TNFSF8: variants seen among roughly 807,000 people sequenced by gnomAD.
TNFSF8 encodes the protein TNF superfamily member 8.
TNFSF8 carries 4 observed loss-of-function variants against 22.0 expected under a neutral mutation model. The ratio of observed to expected loss-of-function variants is 0.18; its 90% CI spans 0.09 to 0.42. The LOEUF (loss-of-function observed/expected upper bound fraction) is 0.42. Ranked by LOEUF, TNFSF8 falls within the 10% of genes least tolerant of loss-of-function variation. TNFSF8 has a pLI of 1.00. For synonymous variants in TNFSF8, 106 were observed against 112.5 expected, an observed-to-expected ratio of 0.94 and a Z score of 0.37; for missense variants, 233 against 281.8, an observed-to-expected ratio of 0.83 and a Z score of 1.24.
chr9:114,900,021 T>C (rs1827698808), downstream of TNFSF8, among the ~76,000 whole-genome samples: 1 of 152,202 alleles, frequency 6.6e-6, no homozygotes, highest in African/African-American at 2.4e-5. Context: ...AAATTAAATG[T>C]TCTTGCATAG....
intron 2 of TNFSF8, among the ~76,000 whole-genome samples, chr9:114,907,707 T>C (rs1410750698): frequency 2.0e-5 from 3 of 152,190 alleles, no homozygotes; most frequent in African/African-American, 7.2e-5. Context: ...GTGATAATAA[T>C]ATGAATGGTC....
rs931800816 is a variant in TNFSF8, at chr9:114,925,938, C to A, written c.195+4171G>T. Reference sequence around the variant, plus strand: ...CTGTGGTGTTAACCTAGGAGTCTATCTCATTGTCTATCTCATTATGTATTC... The same window carrying A: ...CTGTGGTGTTAACCTAGGAGTCTATATCATTGTCTATCTCATTATGTATTC... On this transcript the variant is annotated intron_variant, in intron 1 of 3. Coordinates refer to ENST00000223795, the MANE Select transcript of TNFSF8 (RefSeq NM_001244.4). Among the ~76,000 whole-genome samples the A allele has an allele frequency of 2.0e-5, 3 of 152,214 alleles. No homozygotes were observed. The East Asian group carries it at 5.8e-4, about 29-fold the overall frequency.
chr9:114,922,268 C>T (rs1215853188), intron 1 of TNFSF8, among the ~76,000 whole-genome samples: 4 of 152,170 alleles, frequency 2.6e-5, no homozygotes, highest in East Asian at 1.9e-4. Flanking sequence ...AAAATGCCCC[C>T]GTGGACCAAA....
chr9:114,904,339 T>C lies in TNFSF8; in HGVS notation c.311-14A>G, dbSNP rs909240364. On this transcript the variant is annotated splice_polypyrimidine_tract_variant and intron_variant, in intron 3 of 3. Transcript: ENST00000223795. Reference sequence around the variant, plus strand: ...GATGCTTTGCCACTAGAAAGAGAAGTATAGAAAACAGAATTATTGAGAAGA... The same window carrying C: ...GATGCTTTGCCACTAGAAAGAGAAGCATAGAAAACAGAATTATTGAGAAGA... 4.5e-5 allele frequency: 71 copies of C among 1,577,872 alleles called. No individual in the cohort carries two copies. Among genetic ancestry groups the C allele is most frequent in the Non-Finnish European group, 5.9e-5 (69 of 1,163,686 alleles).
rs1468644783 is a variant in TNFSF8 at position 114,901,772 on chromosome 9, G to A, written c.*2159C>T. 5.1e-6 allele frequency: 5 copies of A among 984,066 alleles called. No individual in the cohort carries two copies. Among genetic ancestry groups the A allele is most frequent in the Non-Finnish European group, 6.0e-6 (5 of 828,824 alleles). 61.0% of individuals were successfully genotyped at this position (984,066 alleles called of 1,614,324 possible). A position where few individuals can be genotyped will look rare whatever the true frequency, so the allele number is the denominator to read the frequency against. Reference sequence around the variant, plus strand: ...GAATCTACTCACAGAAAGAGTTAAAGAGAAATGTAGACTTTACTAAATATT... The same window carrying A: ...GAATCTACTCACAGAAAGAGTTAAAAAGAAATGTAGACTTTACTAAATATT... On this transcript the variant is annotated 3_prime_UTR_variant, in exon 4 of 4. Coordinates refer to ENST00000223795, the MANE Select transcript of TNFSF8 (RefSeq NM_001244.4).
At position 114,902,281 on chromosome 9, in the gene TNFSF8, T is replaced by G. The variant is rs1241875314; in HGVS notation, c.*1650A>C. On this transcript the variant is annotated 3_prime_UTR_variant, in exon 4 of 4. Transcript: ENST00000223795. ...GTCTCTCAACAACTTTGTGGGGATA[T>G]AAAAACCCTCGCGGAACTGGTTTTC... 1 of 985,422 alleles carries G rather than the reference T, an allele frequency of 1.0e-6. No homozygotes were observed. Among genetic ancestry groups the G allele is most frequent in the South Asian group, 4.7e-5 (1 of 21,286 alleles). The allele number at this position is 985,422 out of a possible 1,614,324, so 61.0% of individuals were successfully genotyped here.
Position 114,902,088 on chromosome 9 carries a change from T to C in TNFSF8, c.*1843A>G. 1 of 985,396 alleles carries C rather than the reference T, an allele frequency of 1.0e-6. No individual in the cohort carries two copies. The highest frequency in any genetic ancestry group is 1.2e-6 in the Non-Finnish European group (1 of 829,914). The allele number at this position is 985,396 out of a possible 1,614,324, so 61.0% of individuals were successfully genotyped here. ...CTGAAGCATAACATCAGGGCCTACA[T>C]TCCATCTCAAACGGCTTGTCAAGGT... On this transcript the variant is annotated 3_prime_UTR_variant, in exon 4 of 4. Coordinates refer to ENST00000223795, the MANE Select transcript of TNFSF8 (RefSeq NM_001244.4).
chr9:114,928,349 A>T (rs1205611730), intron 1 of TNFSF8, among the ~76,000 whole-genome samples: 1 of 152,188 alleles, frequency 6.6e-6, no homozygotes, highest in East Asian at 1.9e-4. Flanking sequence ...AGGGTGACGT[A>T]GTTCAAGCCC....
At chr9:114,895,386 A>G (rs1827646365) in intron 4 of TNFSF8, among the ~76,000 whole-genome samples, 1 of 152,220 alleles carries the variant, frequency 6.6e-6, no homozygotes, top group African/African-American at 2.4e-5. Context: ...TCTCGCAAAC[A>G]GTCAGTTGGT....
chr9:114,930,061 T>G, intron 1 of TNFSF8, 48 bp downstream of exon 1: 1 of 1,396,616 alleles, frequency 7.2e-7, no homozygotes, highest in Non-Finnish European at 9.4e-7. Flanking sequence ...GCTCTTTCTC[T>G]CGGGAAAACA....
downstream of TNFSF8, among the ~76,000 whole-genome samples, chr9:114,898,067 A>G (rs1396493153): frequency 6.6e-6 from 1 of 150,576 alleles, no homozygotes; most frequent in Non-Finnish European, 1.5e-5. Flanking sequence ...CAGTGACATG[A>G]TCTCAGCTCA....
intron 2 of TNFSF8, among the ~76,000 whole-genome samples, chr9:114,908,167 A>G (rs1827807661): frequency 6.6e-6 from 1 of 152,206 alleles, no homozygotes; most frequent in Non-Finnish European, 1.5e-5. Context: ...TCAGACAGTG[A>G]ACCCTCAGGG....
At chr9:114,910,241 A>G (rs144203276) in intron 2 of TNFSF8, among the ~76,000 whole-genome samples, 2 of 152,206 alleles carry the variant, frequency 1.3e-5, no homozygotes, top group East Asian at 3.9e-4. Context: ...AGAGATAGAA[A>G]GAGAGGTTGC....
At chr9:114,899,342 A>ATTTTT (rs137946179), downstream of TNFSF8, among the ~76,000 whole-genome samples, 12 of 142,648 alleles carry the variant, frequency 8.4e-5, 2 homozygotes, top group Middle Eastern at 3.5e-3. Context: ...ACAGTAAGTT[A>ATTTTT]TTATTTTTTT....
chr9:114,904,153 C>T lies in TNFSF8; in HGVS notation c.483G>A (p.Glu161=). The T allele has an allele frequency of 6.2e-7, 1 of 1,614,104 alleles. No individual in the cohort carries two copies. The highest frequency in any genetic ancestry group is 8.5e-7 in the Non-Finnish European group (1 of 1,179,994). ...CPNNSVDLKL[E]LLINKHIKKQ... Reference sequence around the variant, plus strand: ...TTTTGATATGCTTGTTGATGAGAAGCTCCAACTTCAGATCGACAGAATTAT... The same window carrying T: ...TTTTGATATGCTTGTTGATGAGAAGTTCCAACTTCAGATCGACAGAATTAT... Residue 161 remains glutamate (E), a synonymous_variant, in exon 4 of 4, where the codon GAG becomes GAA. Coordinates refer to ENST00000223795, the MANE Select transcript of TNFSF8 (RefSeq NM_001244.4).
At chr9:114,893,431 C>A (rs781563332) in exon 5 of TNFSF8, 1 of 152,582 alleles carries the variant, frequency 6.6e-6, no homozygotes, top group Non-Finnish European at 1.5e-5. Context: ...TAGTTCTAGA[C>A]AAGAAATCAG....
intron 1 of TNFSF8, among the ~76,000 whole-genome samples, chr9:114,925,461 A>G (rs1371133340): frequency 6.6e-6 from 1 of 151,694 alleles, no homozygotes; most frequent in Non-Finnish European, 1.5e-5. Flanking sequence ...CCACTCCTGG[A>G]CTCTCTAGCT....
chr9:114,909,669 G>A (rs1183598026), intron 2 of TNFSF8, among the ~76,000 whole-genome samples: 1 of 152,164 alleles, frequency 6.6e-6, no homozygotes, highest in African/African-American at 2.4e-5. Flanking sequence ...TGCTGGTGGT[G>A]GGGGTGGGAA....
rs1367849309 is a variant in TNFSF8, at chr9:114,904,021, T to C, written c.615A>G (p.Ser205=). 1.2e-6 allele frequency: 2 copies of C among 1,614,140 alleles called. No individual in the cohort carries two copies. The highest frequency in any genetic ancestry group is 1.7e-6 in the Non-Finnish European group (2 of 1,179,990). ...LDYLQVNTTI[S]VNVDTFQYID... ...TGTACTGGAATGTATCCACATTGACTGATATGGTGGTGTTGACCTGCAGGT... is the reference window on the plus strand; with the variant it reads ...TGTACTGGAATGTATCCACATTGACCGATATGGTGGTGTTGACCTGCAGGT... Residue 205 remains serine, a synonymous_variant, in exon 4 of 4, where the codon TCA becomes TCG. Transcript: ENST00000223795.
Sources: allele counts gnomAD v4.1 joint callset (sites outside exome capture counted in the v4.1 genomes callset), GRCh38; gene constraint gnomAD v4.1.1; transcripts MANE v1.5; gene names NCBI Gene and HGNC (gene_info 2026-07-23, HGNC 2026-07-21).